ALKBH1: variants seen among roughly 807,000 people sequenced by gnomAD.
ALKBH1 encodes alkB homolog 1, histone H2A dioxygenase.
ALKBH1 carries 31 observed loss-of-function variants against 36.6 expected under a neutral mutation model. That is an observed-to-expected ratio of 0.85 (90% confidence interval 0.64 to 1.14). ALKBH1 has a LOEUF of 1.14. Ranked by LOEUF, ALKBH1 falls within the 50% of genes most tolerant of loss-of-function variation. The probability of loss-of-function intolerance (pLI) is 0.00; values close to 1 mark genes in which losing one functional copy is unlikely to be tolerated. For synonymous variants in ALKBH1, 183 were observed against 186.6 expected, an observed-to-expected ratio of 0.98 and a Z score of 0.16; for missense variants, 490 against 497.3, an observed-to-expected ratio of 0.99 and a Z score of 0.14.
chr14:77,675,945 A>G (rs2080203122), intron 4 of ALKBH1, 96 bp from the exon 5 acceptor site: 1 of 1,020,294 alleles, frequency 9.8e-7, no homozygotes, highest in Non-Finnish European at 1.4e-6. Flanking sequence ...AATCTTACTT[A>G]CAAAGTCATA....
chr14:77,706,634 T>A (rs1014871535), intron 1 of ALKBH1, among the ~76,000 whole-genome samples: 4 of 152,188 alleles, frequency 2.6e-5, no homozygotes, highest in African/African-American at 9.7e-5. Flanking sequence ...ACTAGACACA[T>A]AATGGCTCAT....
chr14:77,680,257 C>G (rs141055857), intron 3 of ALKBH1, among the ~76,000 whole-genome samples: 181 of 152,248 alleles, frequency 1.2e-3, no homozygotes, highest in African/African-American at 3.9e-3. Context: ...AGAATGACAA[C>G]AATGACAAGA....
intron 3 of ALKBH1, 63 bp from the exon 4 acceptor site, chr14:77,680,033 T>C: frequency 1.6e-6 from 2 of 1,289,844 alleles, no homozygotes; most frequent in East Asian, 4.6e-5. Flanking sequence ...GCCGTTTGTA[T>C]GGACTCTGGA....
intron 2 of ALKBH1, among the ~76,000 whole-genome samples, chr14:77,699,916 G>A (rs555482508): frequency 1.3e-5 from 2 of 151,942 alleles, no homozygotes. Context: ...TTAGCTGGGC[G>A]TGGTGGCGGG....
intron 3 of ALKBH1, among the ~76,000 whole-genome samples, chr14:77,691,550 T>C (rs1377004903): frequency 6.6e-6 from 1 of 152,150 alleles, no homozygotes; most frequent in Admixed American, 6.5e-5. Context: ...ATTTCTTACA[T>C]GAGGAAACTG....
At chr14:77,693,221 A>AC (rs1566815597) in intron 3 of ALKBH1, among the ~76,000 whole-genome samples, 22 of 117,806 alleles carry the variant, frequency 1.9e-4, no homozygotes, top group Admixed American at 2.4e-4. Flanking sequence ...AAAAAAAAAA[A>AC]AAATTTTTTT....
intron 4 of ALKBH1, among the ~76,000 whole-genome samples, chr14:77,679,431 A>AT (rs199943850): frequency 1.9e-4 from 29 of 149,356 alleles, no homozygotes; most frequent in South Asian, 8.6e-4. Flanking sequence ...CTGAGGAGAG[A>AT]TTTTTTTTTT....
chr14:77,689,386 T>G (rs1398264922), intron 3 of ALKBH1, among the ~76,000 whole-genome samples: 1 of 152,194 alleles, frequency 6.6e-6, no homozygotes, highest in Non-Finnish European at 1.5e-5. Flanking sequence ...TTCATAGCTA[T>G]CCTAGCATCA....
rs6493 is a variant in ALKBH1, at chr14:77,673,986, G to A, written c.996C>T (p.Ser332=). The stretch of plus-strand genomic sequence containing the variant: ...TGTTAACACGAGCGGTCTTCAAGTA[G>A]CTGGCACACACCTGCCAGTCCTCCA... ...CSMEDWQVCA[S]YLKTARVNMT... Residue 332 remains serine, a synonymous_variant, in exon 6 of 6, where the codon AGC becomes AGT. Coordinates refer to ENST00000216489, the MANE Select transcript of ALKBH1 (RefSeq NM_006020.3). The A allele has an allele frequency of 0.15, 243,811 of 1,614,042 alleles. 19,761 individuals are homozygous for A. The highest frequency in any genetic ancestry group is 0.2 in the Middle Eastern group (1,208 of 6,062).
At chr14:77,676,000 T>TTC in intron 4 of ALKBH1, 151 bp from the exon 5 acceptor site, 1 of 459,922 alleles carries the variant, frequency 2.2e-6, no homozygotes, top group Non-Finnish European at 3.4e-6. Flanking sequence ...TTTCTTTTCT[T>TTC]TTTTTTTTTT....
intron 3 of ALKBH1, among the ~76,000 whole-genome samples, chr14:77,688,813 C>T (rs1037863902): frequency 2.6e-5 from 4 of 152,048 alleles, no homozygotes; most frequent in Non-Finnish European, 5.9e-5. Flanking sequence ...CTCAGGTGAT[C>T]CCCCCACCTT....
intron 1 of ALKBH1, among the ~76,000 whole-genome samples, chr14:77,705,675 C>T (rs543300697): frequency 1.3e-5 from 2 of 152,264 alleles, no homozygotes; most frequent in East Asian, 3.9e-4. Flanking sequence ...TTAAGAGACC[C>T]ACTATGCAGT....
At chr14:77,675,433 C>CAA (rs3837645) in intron 5 of ALKBH1, among the ~76,000 whole-genome samples, 17 of 147,886 alleles carry the variant, frequency 1.1e-4, no homozygotes, top group African/African-American at 2.0e-4. Context: ...GACTCTGTTT[C>CAA]AAAAAAAAAC....
chr14:77,690,989 C>T (rs538279107), intron 3 of ALKBH1, among the ~76,000 whole-genome samples: 15 of 151,974 alleles, frequency 9.9e-5, no homozygotes, highest in African/African-American at 2.4e-4. Flanking sequence ...TTAGTAGAGA[C>T]GGGGTTTCAC....
In ALKBH1 at chr14:77,683,225, T is replaced by C. The variant is rs995701423; in HGVS notation, c.456-3255A>G. On this transcript the variant is annotated intron_variant, in intron 3 of 5. Coordinates refer to ENST00000216489, the MANE Select transcript of ALKBH1 (RefSeq NM_006020.3). ...TATTATGCTATGAATCCATAGAGAA[T>C]AGGTTCCAGCAGCTCAGGCTCCTTC... 1.5e-5 allele frequency: 11 copies of C among 714,164 alleles called. No homozygotes were observed. The Admixed American group carries it at 1.8e-4, about 12-fold the overall frequency. The allele number at this position is 714,164 out of a possible 1,614,324, so 44.2% of individuals were successfully genotyped here.
At chr14:77,696,009 T>C (rs942769120) in intron 2 of ALKBH1, among the ~76,000 whole-genome samples, 1 of 152,000 alleles carries the variant, frequency 6.6e-6, no homozygotes, top group African/African-American at 2.4e-5. Flanking sequence ...GGAGAATCAC[T>C]TGAACCCAGG....
At position 77,676,128 on chromosome 14, in the gene ALKBH1, T is replaced by C. The variant is rs949163165; in HGVS notation, c.547-279A>G. ...CTCCTACCTTAGTCTCCCAAGTAGG[T>C]AGGACCACAGGTGCGTGCCACCATG... is the stretch of plus-strand genomic sequence containing the variant. On this transcript the variant is annotated intron_variant, in intron 4 of 5. Coordinates refer to ENST00000216489, the MANE Select transcript of ALKBH1 (RefSeq NM_006020.3). Among the ~76,000 whole-genome samples, 20 of 150,766 alleles carry C rather than the reference T, an allele frequency of 1.3e-4. 1 individual carries two copies. Among genetic ancestry groups the C allele is most frequent in the Admixed American group, 1.2e-3 (18 of 14,962 alleles).
chr14:77,689,851 A>G (rs980206540), intron 3 of ALKBH1, among the ~76,000 whole-genome samples: 1 of 152,198 alleles, frequency 6.6e-6, no homozygotes, highest in Non-Finnish European at 1.5e-5. Flanking sequence ...TTAATTAAAA[A>G]AAAAATCAAG....
intron 3 of ALKBH1, among the ~76,000 whole-genome samples, chr14:77,693,418 G>T (rs986048493): frequency 2.6e-4 from 40 of 152,110 alleles, no homozygotes; most frequent in Non-Finnish European, 5.4e-4. Flanking sequence ...TTGAAGACAG[G>T]AACTGTTTTT....
Sources: allele counts gnomAD v4.1 joint callset (sites outside exome capture counted in the v4.1 genomes callset), GRCh38; gene constraint gnomAD v4.1.1; transcripts MANE v1.5; gene names NCBI Gene and HGNC (gene_info 2026-07-23, HGNC 2026-07-21).